NRP1: variants seen among roughly 807,000 people sequenced by gnomAD.
NRP1 encodes the protein neuropilin 1.
NRP1 carries 35 observed loss-of-function variants against 106.7 expected under a neutral mutation model. That is an observed-to-expected ratio of 0.33 (90% CI 0.25 to 0.43). The LOEUF is 0.43. NRP1 is among the 20% of genes least tolerant of loss of function. The pLI is 1.00. For synonymous variants in NRP1, 437 were observed against 417.9 expected (o/e 1.05, Z -0.56); for missense variants, 1,024 against 1,170.4 (o/e 0.87, Z 1.83).
intron 4 of NRP1, among the ~76,000 whole-genome samples, chr10:33,261,235 C>G (rs577467069): frequency 6.6e-6 from 1 of 152,320 alleles, no homozygotes; most frequent in East Asian, 1.9e-4. Context: ...CAGTGATTTT[C>G]TAGAGCCAGA....
intron 6 of NRP1, among the ~76,000 whole-genome samples, chr10:33,227,724 GTGAC>G (rs1839783587): frequency 6.6e-6 from 1 of 152,254 alleles, no homozygotes; most frequent in South Asian, 2.1e-4. Context: ...TGACCAGAGG[GTGAC>G]TGAAATCTCG....
At chr10:33,181,608 T>A (rs1016282893) in intron 16 of NRP1, among the ~76,000 whole-genome samples, 3 of 152,174 alleles carry the variant, frequency 2.0e-5, no homozygotes, top group Admixed American at 1.3e-4. Flanking sequence ...AATAGACTAA[T>A]ACCAGGCAAG....
chr10:33,226,732 T>C (rs1046956016), intron 6 of NRP1, among the ~76,000 whole-genome samples: 2 of 152,214 alleles, frequency 1.3e-5, no homozygotes, highest in Non-Finnish European at 2.9e-5. Context: ...GTACGTTATC[T>C]TAACCCAGAC....
chr10:33,226,402 G>A (rs1486290916), intron 6 of NRP1, 113 bp from the exon 7 acceptor site: 7 of 1,132,438 alleles, frequency 6.2e-6, no homozygotes, highest in Non-Finnish European at 8.8e-6. Context: ...GATCAACAGG[G>A]CCTCATTCCA....
chr10:33,305,158 T>C (rs1327595205), intron 2 of NRP1, among the ~76,000 whole-genome samples: 1 of 152,246 alleles, frequency 6.6e-6, no homozygotes, highest in Non-Finnish European at 1.5e-5. Flanking sequence ...ATCATATATT[T>C]AGGTGAATAA....
intron 2 of NRP1, among the ~76,000 whole-genome samples, chr10:33,283,372 T>G (rs1844283625): frequency 1.3e-5 from 2 of 152,246 alleles, no homozygotes; most frequent in African/African-American, 4.8e-5. Context: ...GAAATTCTAT[T>G]AAGTCAGAAG....
chr10:33,243,844 C>T (rs995574711), intron 6 of NRP1, among the ~76,000 whole-genome samples: 2 of 144,504 alleles, frequency 1.4e-5, no homozygotes, highest in Non-Finnish European at 3.0e-5. Flanking sequence ...ACTTTCCTCT[C>T]TTTATTTGAA....
chr10:33,260,506 C>G (rs1269242946), intron 4 of NRP1, among the ~76,000 whole-genome samples: 2 of 152,174 alleles, frequency 1.3e-5, no homozygotes, highest in East Asian at 3.9e-4. Context: ...CCAGCTGAGG[C>G]AGAGAGCTGA....
intron 6 of NRP1, among the ~76,000 whole-genome samples, chr10:33,242,478 A>C (rs1841099154): frequency 6.6e-6 from 1 of 152,202 alleles, no homozygotes; most frequent in African/African-American, 2.4e-5. Flanking sequence ...GGTATGTTTA[A>C]ATAACCTGGC....
chr10:33,183,864 A>G (rs1835840428), intron 15 of NRP1, among the ~76,000 whole-genome samples: 1 of 152,232 alleles, frequency 6.6e-6, no homozygotes, highest in African/African-American at 2.4e-5. Context: ...AAATAAACAA[A>G]GTGGTTTAAT....
intron 2 of NRP1, among the ~76,000 whole-genome samples, chr10:33,274,904 T>C (rs1168526802): frequency 6.6e-6 from 1 of 152,198 alleles, no homozygotes; most frequent in Non-Finnish European, 1.5e-5. Context: ...TTTCTGTGGC[T>C]CTTTGGTTTA....
At chr10:33,271,605 G>A (rs1424003452) in intron 2 of NRP1, among the ~76,000 whole-genome samples, 5 of 152,180 alleles carry the variant, frequency 3.3e-5, no homozygotes, top group East Asian at 1.9e-4. Flanking sequence ...AGAAAGAAAC[G>A]CTTGATACCA....
intron 12 of NRP1, among the ~76,000 whole-genome samples, chr10:33,195,167 G>A (rs1323042555): frequency 6.6e-6 from 1 of 152,122 alleles, no homozygotes; most frequent in South Asian, 2.1e-4. Flanking sequence ...TTTATATCTG[G>A]TATTCCAAAC....
chr10:33,182,833 G>GCACACACACA lies in NRP1; in HGVS notation c.2432-95_2432-86dup, dbSNP rs148435065. ...AAACTACACAAACCTTTAGGTACAT[G>GCACACACACA]CACACACACACACACACACACACAC... On this transcript the variant is annotated intron_variant, in intron 15 of 16. Coordinates refer to ENST00000374867, the MANE Select transcript of NRP1 (RefSeq NM_003873.7). 1.5e-3 allele frequency: 1,097 copies of GCACACACACA among 747,282 alleles called. 5 individuals carry two copies. The African/African-American group carries it at 0.018, about 12-fold the overall frequency. The allele number at this position is 747,282 out of a possible 1,614,324, so 46.3% of individuals were successfully genotyped here.
chr10:33,188,936 T>TAA (rs1554774621), intron 13 of NRP1, among the ~76,000 whole-genome samples: 21 of 143,358 alleles, frequency 1.5e-4, no homozygotes, highest in African/African-American at 4.0e-4. Flanking sequence ...TATATATATA[T>TAA]AAATTAAAAC....
chr10:33,203,119 G>C, intron 10 of NRP1, 124 bp from the exon 11 acceptor site: 2 of 898,384 alleles, frequency 2.2e-6, no homozygotes, highest in East Asian at 2.6e-5. Context: ...CAGGGGCATG[G>C]TTTGCCTCTC....
At chr10:33,219,306 G>C (rs772243826) in intron 8 of NRP1, among the ~76,000 whole-genome samples, 1 of 152,148 alleles carries the variant, frequency 6.6e-6, no homozygotes, top group Non-Finnish European at 1.5e-5. Flanking sequence ...TCCATGGTCC[G>C]TCATGCATAC....
At chr10:33,268,775 C>G (rs562573518) in intron 3 of NRP1, among the ~76,000 whole-genome samples, 3 of 152,296 alleles carry the variant, frequency 2.0e-5, no homozygotes, top group African/African-American at 7.2e-5. Context: ...ACTTCTATAA[C>G]AAGTCAAACA....
intron 2 of NRP1, among the ~76,000 whole-genome samples, chr10:33,278,444 C>A (rs771153597): frequency 6.6e-6 from 1 of 152,170 alleles, no homozygotes; most frequent in South Asian, 2.1e-4. Flanking sequence ...TGACATCCAT[C>A]AGTGGCTGCT....
Sources: gnomAD v4.1 joint callset for allele counts (sites outside exome capture counted in the v4.1 genomes callset) on GRCh38, gnomAD v4.1.1 for gene constraint, MANE v1.5 for transcripts, NCBI Gene and HGNC (gene_info 2026-07-23, HGNC 2026-07-21) for gene names.